Variants in MUSTN1 observed in about 807,000 individuals in gnomAD.
The protein encoded by MUSTN1 is musculoskeletal embryonic nuclear protein 1.
Under a neutral mutation model 11.8 loss-of-function variants are expected in MUSTN1, and 14 were observed. The ratio of observed to expected loss-of-function variants is 1.18; its 90% confidence interval spans 0.78 to 1.85. MUSTN1 has a LOEUF of 1.85. MUSTN1 is among the 40% of genes most tolerant of loss of function. The pLI is 0.00. For missense variants in MUSTN1, 111 were observed against 108.8 expected (o/e 1.02, Z -0.09); for synonymous variants, 42 against 43.3 (o/e 0.97, Z 0.12).
In MUSTN1 at chr3:52,833,271, G is replaced by T. The variant is rs1438866568; in HGVS notation, c.*53C>A. ...TTCTGGCATAAAAAAGAGTTCCTGG[G>T]AAAGGCTCCTGTTTCCGAGCATTCG... On this transcript the variant is annotated 3_prime_UTR_variant, in exon 3 of 3. Transcript: ENST00000446157. 4 of 1,609,562 alleles carry T rather than the reference G, an allele frequency of 2.5e-6. No individual in the cohort carries two copies. In the Admixed American group the frequency reaches 5.1e-5, roughly 20 times the overall value.
intron 2 of MUSTN1, 87 bp from the exon 3 acceptor site, chr3:52,833,517 A>C: frequency 1.3e-6 from 2 of 1,587,050 alleles, no homozygotes; most frequent in Admixed American, 1.8e-5. Flanking sequence ...TGAACCCAGG[A>C]ATACTGGATT....
At chr3:52,833,828 C>G in intron 1 of MUSTN1, 79 bp from the exon 2 acceptor site, 1 of 1,514,476 alleles carries the variant, frequency 6.6e-7, no homozygotes. Flanking sequence ...TTGGCCAAGA[C>G]CCCTCTTCTC....
intron 1 of MUSTN1, among the ~76,000 whole-genome samples, chr3:52,834,049 A>G (rs1700648932): frequency 6.6e-6 from 1 of 152,148 alleles, no homozygotes; most frequent in African/African-American, 2.4e-5. Context: ...GACTGGGCAC[A>G]GTGGGGAACA....
At chr3:52,834,798 G>T in intron 1 of MUSTN1, 142 bp downstream of exon 1, 1 of 998,782 alleles carries the variant, frequency 1.0e-6, no homozygotes, top group South Asian at 1.4e-5. Context: ...GGTCCTCCCT[G>T]AGCCCCCATC....
rs139414204 is a variant in MUSTN1, at chr3:52,833,393, G to A, written c.180C>T (p.Arg60=). Residue 60 remains arginine, a synonymous_variant, in exon 3 of 3, where the codon CGC becomes CGT. Coordinates refer to ENST00000446157, the MANE Select transcript of MUSTN1 (RefSeq NM_205853.4). ...AGACAGTCTCGGTACCTGTGCGGGTGCGGCTGAACACCGACGGGGCGGCCG... is the reference window on the plus strand; with the variant it reads ...AGACAGTCTCGGTACCTGTGCGGGTACGGCTGAACACCGACGGGGCGGCCG... ...AGSAAPSVFS[R]TRTGTETVFE... 573 of 1,613,904 alleles carry A rather than the reference G, an allele frequency of 3.6e-4. 2 individuals are homozygous for A. The African/African-American group carries it at 6.6e-3, about 19-fold the overall frequency.
Position 52,833,289 on chromosome 3 carries a change from A to G in MUSTN1, c.*35T>C, listed in dbSNP as rs754661767. On this transcript the variant is annotated 3_prime_UTR_variant, in exon 3 of 3. Coordinates refer to ENST00000446157, the MANE Select transcript of MUSTN1 (RefSeq NM_205853.4). Reference sequence around the variant, plus strand: ...TTCCTGGGAAAGGCTCCTGTTTCCGAGCATTCGGGCAGCAAGGGGAGTGGC... The same window carrying G: ...TTCCTGGGAAAGGCTCCTGTTTCCGGGCATTCGGGCAGCAAGGGGAGTGGC... 6.2e-7 allele frequency: 1 copy of G among 1,613,310 alleles called. No individual in the cohort carries two copies.
rs948606464 is a variant in MUSTN1 at position 52,833,176 on chromosome 3, A to G, written c.*148T>C. 2.6e-6 allele frequency: 3 copies of G among 1,168,532 alleles called. No homozygotes were observed. The highest frequency in any genetic ancestry group is 1.5e-5 in the African/African-American group (1 of 65,768). 72.4% of individuals were successfully genotyped at this position (1,168,532 alleles called of 1,614,324 possible). ...TGGTGCTTCCAAGGTGCTGGTGCAG[A>G]GCCCTTGGCTGAAGGGCCTGGACTG... On this transcript the variant is annotated 3_prime_UTR_variant, in exon 3 of 3. Transcript: ENST00000446157.
intron 2 of MUSTN1, 24 bp downstream of exon 2, chr3:52,833,593 C>T: frequency 1.2e-6 from 2 of 1,608,794 alleles, no homozygotes; most frequent in Non-Finnish European, 1.7e-6. Context: ...CATCCCCAGC[C>T]CCAGATGGCA....
At chr3:52,834,874 G>GA in intron 1 of MUSTN1, 66 bp downstream of exon 1, 1 of 1,589,572 alleles carries the variant, frequency 6.3e-7, no homozygotes, top group Non-Finnish European at 8.6e-7. Flanking sequence ...TGCCAGAGCC[G>GA]AAAGTGTCCA....
chr3:52,833,442 G>T lies in MUSTN1; in HGVS notation c.143-12C>A. On this transcript the variant is annotated splice_polypyrimidine_tract_variant and intron_variant, in intron 2 of 2. Coordinates refer to ENST00000446157, the MANE Select transcript of MUSTN1 (RefSeq NM_205853.4). The stretch of plus-strand genomic sequence containing the variant: ...CGAGCCAGCTTGCTCTGTGGGAGGA[G>T]GTAAAGTCAGGGGCCAGCCTAGCTT... 1 of 1,608,528 alleles carries T rather than the reference G, an allele frequency of 6.2e-7. No individual in the cohort carries two copies. The highest frequency in any genetic ancestry group is 1.1e-5 in the South Asian group (1 of 90,874).
chr3:52,834,823 G>A (rs1559485698), intron 1 of MUSTN1, 117 bp downstream of exon 1: 2 of 1,281,924 alleles, frequency 1.6e-6, no homozygotes. Flanking sequence ...AAGGGCTGCA[G>A]AGCCTCCAGT....
chr3:52,834,901 C>T, intron 1 of MUSTN1, 39 bp downstream of exon 1: 1 of 1,611,562 alleles, frequency 6.2e-7, no homozygotes, highest in Non-Finnish European at 8.5e-7. Flanking sequence ...CACCTCCACT[C>T]CCTCTGGCAT....
At chr3:52,834,041 C>T (rs1295343911) in intron 1 of MUSTN1, among the ~76,000 whole-genome samples, 1 of 152,136 alleles carries the variant, frequency 6.6e-6, no homozygotes, top group African/African-American at 2.4e-5. Flanking sequence ...AAGCTCAGGA[C>T]TGGGCACAGT....
rs748386129 is a variant in MUSTN1, at chr3:52,833,623, C to G, written c.136G>C (p.Glu46Gln). 1 of 1,610,780 alleles carries G rather than the reference C, an allele frequency of 6.2e-7. No homozygotes were observed. The highest frequency in any genetic ancestry group is 1.7e-5 in the Admixed American group (1 of 59,624). ...IKSKTYQVMR[E>Q]CEQAGSAAPS... is the part of the protein sequence containing the mutation. ...ATGGCATGAGGACACTCACCACACTCTCGCATGACCTGGTAGGTCTTGGAC... is the reference window on the plus strand; with the variant it reads ...ATGGCATGAGGACACTCACCACACTGTCGCATGACCTGGTAGGTCTTGGAC... The change falls in exon 2 of 3, where the codon GAG becomes CAG. Residue 46 changes from glutamate to glutamine, a missense_variant. Transcript: ENST00000446157.
In MUSTN1 at chr3:52,833,305, G is replaced by T; in HGVS notation, c.*19C>A. ...CTGTTTCCGAGCATTCGGGCAGCAAGGGGAGTGGCGCACACTTCTCAGCCG... is the reference window on the plus strand; with the variant it reads ...CTGTTTCCGAGCATTCGGGCAGCAATGGGAGTGGCGCACACTTCTCAGCCG... On this transcript the variant is annotated 3_prime_UTR_variant, in exon 3 of 3. Coordinates refer to ENST00000446157, the MANE Select transcript of MUSTN1 (RefSeq NM_205853.4). The T allele has an allele frequency of 6.2e-7, 1 of 1,613,806 alleles. No homozygotes were observed. The highest frequency in any genetic ancestry group is 8.5e-7 in the Non-Finnish European group (1 of 1,179,830).
intron 1 of MUSTN1, among the ~76,000 whole-genome samples, 193 bp from the exon 2 acceptor site, chr3:52,833,942 C>T (rs1700645505): frequency 1.3e-5 from 2 of 152,208 alleles, no homozygotes; most frequent in South Asian, 4.1e-4. Flanking sequence ...CTTGGTCTGA[C>T]TTGCCCATGT....
At chr3:52,834,822 A>G in intron 1 of MUSTN1, 118 bp downstream of exon 1, 1 of 1,261,966 alleles carries the variant, frequency 7.9e-7, no homozygotes, top group Non-Finnish European at 1.1e-6. Context: ...CAAGGGCTGC[A>G]GAGCCTCCAG....
chr3:52,833,831 C>T, intron 1 of MUSTN1, 82 bp from the exon 2 acceptor site: 1 of 1,505,028 alleles, frequency 6.6e-7, no homozygotes. Context: ...GCCAAGACCC[C>T]TCTTCTCTGC....
intron 1 of MUSTN1, 38 bp from the exon 2 acceptor site, chr3:52,833,787 C>T: frequency 6.4e-7 from 1 of 1,557,812 alleles, no homozygotes; most frequent in Non-Finnish European, 8.7e-7. Flanking sequence ...TACCTGAAGC[C>T]TCGGTAGAAA....
Sources: gnomAD v4.1 joint callset for allele counts (sites outside exome capture counted in the v4.1 genomes callset) on GRCh38, gnomAD v4.1.1 for gene constraint, MANE v1.5 for transcripts, NCBI Gene and HGNC (gene_info 2026-07-23, HGNC 2026-07-21) for gene names.